The following ICA1 variants were observed in gnomAD, a reference collection of about 807,000 sequenced individuals.
The protein encoded by ICA1 is 69 kDa islet cell autoantigen.
ICA1 carries 40 observed loss-of-function variants against 71.0 expected under a neutral mutation model. That is an observed-to-expected ratio of 0.56 (90% CI 0.44 to 0.73). ICA1 has a LOEUF of 0.73. Ranked by LOEUF, ICA1 falls within the 30% of genes least tolerant of loss-of-function variation. The pLI, the probability that ICA1 is intolerant of heterozygous loss-of-function variation, is 0.00. For missense variants in ICA1, 578 were observed against 576.5 expected, an observed-to-expected ratio of 1.00 and a Z score of -0.03; for synonymous variants, 207 against 209.5, an observed-to-expected ratio of 0.99 and a Z score of 0.10.
At chr7:8,146,500 A>AT (rs1796951641) in intron 8 of ICA1, among the ~76,000 whole-genome samples, 1 of 151,938 alleles carries the variant, frequency 6.6e-6, no homozygotes. Flanking sequence ...AATATTTAAC[A>AT]TTTTGCCCCA....
rs1181960029 is a variant in ICA1, at chr7:8,143,911, T to G, written c.866A>C (p.Gln289Pro). 2.1e-5 allele frequency: 34 copies of G among 1,613,236 alleles called. No homozygotes were observed. The highest frequency in any genetic ancestry group is 2.9e-5 in the Non-Finnish European group (34 of 1,179,332). Residue 289 changes from glutamine to proline, a missense_variant, in exon 9 of 14, where the codon CAG (glutamine) becomes CCG (proline). Transcript: ENST00000402384. ...CTGCACGGCTGCATCTGTACTTTCC[T>G]GCTGGTTGATTTTCTTCTTCTCTTC... ...EKEEKKKINQ[Q>P]ESTDAAVQEP... is the part of the protein sequence containing the mutation.
At chr7:8,177,533 TC>T (rs1307123698) in intron 6 of ICA1, among the ~76,000 whole-genome samples, 2 of 152,234 alleles carry the variant, frequency 1.3e-5, no homozygotes, top group African/African-American at 4.8e-5. Flanking sequence ...AATATTTTTA[TC>T]CCATTGGTAT....
rs1387318510 is a variant in ICA1 at position 8,141,676 on chromosome 7, A to C, written c.955+89T>G. 6 of 769,238 alleles carry C rather than the reference A, an allele frequency of 7.8e-6. No individual in the cohort carries two copies. The South Asian group carries it at 1.0e-4, about 13-fold the overall frequency. The allele number at this position is 769,238 out of a possible 1,614,324, so 47.7% of individuals were successfully genotyped here. ...CTCAGTTGAAAAAGAAGAAAGGCCT[A>C]GGAGGAGTTTGTCAAAAAGTAAAAT... On this transcript the variant is annotated intron_variant, in intron 10 of 13. Coordinates refer to ENST00000402384, the MANE Select transcript of ICA1 (RefSeq NM_001136020.3).
At chr7:8,189,887 T>C (rs577471039) in intron 6 of ICA1, among the ~76,000 whole-genome samples, 2 of 152,316 alleles carry the variant, frequency 1.3e-5, no homozygotes, top group African/African-American at 4.8e-5. Context: ...GGGAACTGTC[T>C]GTACTTAGAA....
chr7:8,186,852 A>T (rs932001970), intron 6 of ICA1, among the ~76,000 whole-genome samples: 1 of 152,224 alleles, frequency 6.6e-6, no homozygotes. Context: ...TTCTTATTCC[A>T]GTAATGTTGT....
chr7:8,229,408 T>C (rs1799583410), intron 3 of ICA1, among the ~76,000 whole-genome samples: 1 of 152,178 alleles, frequency 6.6e-6, no homozygotes, highest in Non-Finnish European at 1.5e-5. Context: ...GAAACTGAGA[T>C]AGCTCAAGAA....
At chr7:8,239,926 T>A (rs1803192452) in intron 1 of ICA1, among the ~76,000 whole-genome samples, 1 of 152,312 alleles carries the variant, frequency 6.6e-6, no homozygotes, top group East Asian at 1.9e-4. Flanking sequence ...CCACTGCAGC[T>A]CAGCAAGGCC....
At chr7:8,227,801 G>T (rs1277958813) in intron 4 of ICA1, 1 of 432,568 alleles carries the variant, frequency 2.3e-6, no homozygotes, top group East Asian at 7.4e-5. Flanking sequence ...GCCCAGGCTG[G>T]TCTCAAACTC....
At chr7:8,258,169 T>G (rs568423577) in intron 1 of ICA1, among the ~76,000 whole-genome samples, 2 of 152,098 alleles carry the variant, frequency 1.3e-5, no homozygotes, top group Admixed American at 1.3e-4. Context: ...TGAAAGGCAA[T>G]TGGTTAGTTG....
chr7:8,199,482 G>C (rs1033397381), intron 6 of ICA1, among the ~76,000 whole-genome samples: 1 of 152,152 alleles, frequency 6.6e-6, no homozygotes, highest in Non-Finnish European at 1.5e-5. Flanking sequence ...AGGCCAAGGC[G>C]GGCGGATCAC....
intron 6 of ICA1, among the ~76,000 whole-genome samples, chr7:8,207,292 C>G (rs1791934914): frequency 6.6e-6 from 1 of 152,158 alleles, no homozygotes; most frequent in Non-Finnish European, 1.5e-5. Context: ...ACAACAGAAG[C>G]CTGATTAATG....
chr7:8,210,612 CAA>C (rs1159544782), intron 6 of ICA1, among the ~76,000 whole-genome samples: 1 of 147,320 alleles, frequency 6.8e-6, no homozygotes, highest in East Asian at 2.0e-4. Context: ...ATTTTTTTTT[CAA>C]AGACTCCATC....
In ICA1 at chr7:8,224,511, A is replaced by T. The variant is rs566160077; in HGVS notation, c.257-3113T>A. On this transcript the variant is annotated intron_variant, in intron 4 of 13. Coordinates refer to ENST00000402384, the MANE Select transcript of ICA1 (RefSeq NM_001136020.3). Reference sequence around the variant, plus strand: ...ATAGACTTACAGAAAAATTACAAACAGTATATAGAGTTCCTGTATACATTT... The same window carrying T: ...ATAGACTTACAGAAAAATTACAAACTGTATATAGAGTTCCTGTATACATTT... 2.6e-5 allele frequency among the ~76,000 whole-genome samples: 4 copies of T among 152,358 alleles called. No homozygotes were observed. The South Asian group carries it at 8.3e-4, about 32-fold the overall frequency.
intron 12 of ICA1, among the ~76,000 whole-genome samples, chr7:8,128,878 C>T (rs112716148): frequency 4.3e-4 from 65 of 152,340 alleles, no homozygotes; most frequent in African/African-American, 1.3e-3. Flanking sequence ...CACCCCTTCG[C>T]TGCTATGTGA....
At chr7:8,117,886 C>T (rs1482623475) in intron 13 of ICA1, among the ~76,000 whole-genome samples, 1 of 152,198 alleles carries the variant, frequency 6.6e-6, no homozygotes, top group African/African-American at 2.4e-5. Context: ...TTACACTTTC[C>T]AGTGGACTTC....
chr7:8,258,639 A>T (rs1441280081), intron 1 of ICA1, among the ~76,000 whole-genome samples: 2 of 152,248 alleles, frequency 1.3e-5, no homozygotes, highest in Non-Finnish European at 2.9e-5. Context: ...GTCACATAGT[A>T]GGCAGGCTTT....
At chr7:8,116,930 T>C (rs1469307844) in intron 13 of ICA1, among the ~76,000 whole-genome samples, 1 of 152,218 alleles carries the variant, frequency 6.6e-6, no homozygotes, top group East Asian at 1.9e-4. Context: ...GGTTAGGCTT[T>C]GTGTCCCCAC....
At chr7:8,262,445 T>C (rs1812874863), upstream of ICA1, 3 of 152,266 alleles carry the variant, frequency 2.0e-5, no homozygotes, top group Admixed American at 2.0e-4. Flanking sequence ...CTCACCTTGC[T>C]TGGGGAGGGT....
At chr7:8,159,582 C>G (rs1259265311) in intron 6 of ICA1, among the ~76,000 whole-genome samples, 2 of 152,060 alleles carry the variant, frequency 1.3e-5, no homozygotes, top group East Asian at 3.8e-4. Context: ...CGCCTATAGT[C>G]CCAGCTACTG....
Sources: gnomAD v4.1 joint callset for allele counts (sites outside exome capture counted in the v4.1 genomes callset) on GRCh38, gnomAD v4.1.1 for gene constraint, MANE v1.5 for transcripts, NCBI Gene and HGNC (gene_info 2026-07-23, HGNC 2026-07-21) for gene names.